PCNX1: variants seen among roughly 807,000 people sequenced by gnomAD.
PCNX1 encodes the protein pecanex-like protein 1.
PCNX1 carries 78 observed loss-of-function variants against 242.2 expected under a neutral mutation model. That is an observed-to-expected ratio of 0.32 (90% CI 0.27 to 0.39). The LOEUF (loss-of-function observed/expected upper bound fraction) is 0.39, where lower values mean the gene tolerates loss of function less well. PCNX1 is among the 10% of genes least tolerant of loss of function. PCNX1 has a pLI of 1.00. For missense variants in PCNX1, 2,581 were observed against 2,856.5 expected (o/e 0.90, Z 2.20); for synonymous variants, 1,024 against 1,032.9 (o/e 0.99, Z 0.17).
chr14:70,995,829 A>G lies in PCNX1; in HGVS notation c.2533A>G (p.Ser845Gly). Residue 845 changes from serine (S) to glycine (G), a missense_variant, in exon 8 of 36, where the codon AGT becomes GGT. Ser to Gly is a moderately conservative substitution (Grantham distance 56). Around this residue, in one of 9 missense-constraint regions of PCNX1, gnomAD observed 1,204 missense variants for 1,216.7 expected, o/e 0.99. Coordinates refer to ENST00000304743, the MANE Select transcript of PCNX1 (RefSeq NM_014982.3). ...PPSQAAVLSASASLLVRNGSV... is the reference protein window; with the variant it reads ...PPSQAAVLSAGASLLVRNGSV... Reference sequence around the variant, plus strand: ...TTCCCAGGCTGCAGTGCTCAGTGCTAGTGCCTCCTTGCTGGTGAGAAATGG... The same window carrying G: ...TTCCCAGGCTGCAGTGCTCAGTGCTGGTGCCTCCTTGCTGGTGAGAAATGG... 3 of 1,613,868 alleles carry G rather than the reference A, an allele frequency of 1.9e-6. No homozygotes were observed. The highest frequency in any genetic ancestry group is 2.5e-6 in the Non-Finnish European group (3 of 1,179,788).
At chr14:71,040,347 T>A (rs923923069) in intron 19 of PCNX1, among the ~76,000 whole-genome samples, 1 of 152,232 alleles carries the variant, frequency 6.6e-6, no homozygotes, top group African/African-American at 2.4e-5. Flanking sequence ...TTTATTGCTA[T>A]GTAGATAACT....
intron 2 of PCNX1, among the ~76,000 whole-genome samples, chr14:70,948,883 GTA>G (rs979248396): frequency 2.7e-5 from 4 of 146,472 alleles, no homozygotes; most frequent in Admixed American, 2.7e-4. Flanking sequence ...ATAGATATGT[GTA>G]TATATACACA....
chr14:70,913,474 A>G (rs1395849803), intron 1 of PCNX1, among the ~76,000 whole-genome samples: 5 of 152,232 alleles, frequency 3.3e-5, no homozygotes, highest in Non-Finnish European at 2.9e-5. Context: ...TTGTGCATAC[A>G]GCTGTGTGGT....
At chr14:71,000,149 A>T (rs1014230971) in intron 8 of PCNX1, among the ~76,000 whole-genome samples, 8 of 152,160 alleles carry the variant, frequency 5.3e-5, no homozygotes, top group Non-Finnish European at 1.0e-4. Context: ...TAAAATGTTT[A>T]TTTTTATCAA....
chr14:71,026,054 A>T (rs902639094), intron 13 of PCNX1, 63 bp from the exon 14 acceptor site: 2 of 1,027,872 alleles, frequency 1.9e-6, no homozygotes, highest in East Asian at 5.1e-5. Flanking sequence ...CATCAGTGAT[A>T]CCAGTAGTTA....
In PCNX1 at chr14:71,009,655, A is replaced by G. The variant is rs2059766750; in HGVS notation, c.2651A>G (p.Tyr884Cys). ...DELGKFSSTL[Y>C]ETGGCDMSLV... Reference sequence around the variant, plus strand: ...CTAGGTAAGTTCTCTTCTACGCTGTATGAGACTGGTGGCTGTGATATGTCA... The same window carrying G: ...CTAGGTAAGTTCTCTTCTACGCTGTGTGAGACTGGTGGCTGTGATATGTCA... Residue 884 changes from tyrosine (Y) to cysteine (C), a missense_variant, in exon 9 of 36, where the codon TAT becomes TGT. Around this residue, in one of 9 missense-constraint regions of PCNX1, gnomAD observed 1,204 missense variants for 1,216.7 expected, o/e 0.99. Coordinates refer to ENST00000304743, the MANE Select transcript of PCNX1 (RefSeq NM_014982.3). The G allele has an allele frequency of 1.2e-6, 2 of 1,601,970 alleles. No individual in the cohort carries two copies. The highest frequency in any genetic ancestry group is 2.2e-5 in the East Asian group (1 of 44,758).
At chr14:71,057,118 C>T (rs2061203755) in intron 25 of PCNX1, among the ~76,000 whole-genome samples, 1 of 152,136 alleles carries the variant, frequency 6.6e-6, no homozygotes, top group Admixed American at 6.6e-5. Flanking sequence ...ATTTTATCTA[C>T]TTCCTTTACT....
chr14:70,976,379 T>C (rs918115026), intron 5 of PCNX1, among the ~76,000 whole-genome samples: 1 of 150,168 alleles, frequency 6.7e-6, no homozygotes, highest in African/African-American at 2.4e-5. Context: ...TTTCTTTTTT[T>C]TTTTTTTTTT....
intron 26 of PCNX1, among the ~76,000 whole-genome samples, chr14:71,073,315 C>A (rs111613106): frequency 1.1e-4 from 16 of 152,108 alleles, no homozygotes; most frequent in Non-Finnish European, 2.2e-4. Context: ...ACAAAAAAAG[C>A]GTAGTGTGCT....
At chr14:71,004,711 A>G (rs1013578696) in intron 8 of PCNX1, among the ~76,000 whole-genome samples, 1 of 152,072 alleles carries the variant, frequency 6.6e-6, no homozygotes, top group Non-Finnish European at 1.5e-5. Context: ...GTCACCACTT[A>G]TGATTATAAG....
intron 11 of PCNX1, 96 bp downstream of exon 11, chr14:71,013,298 G>T (rs2140590018): frequency 1.1e-6 from 1 of 944,946 alleles, no homozygotes. Flanking sequence ...TGGTTATCAT[G>T]TTGGGAAATG....
At chr14:71,018,900 C>T in intron 11 of PCNX1, 109 bp from the exon 12 acceptor site, 1 of 884,902 alleles carries the variant, frequency 1.1e-6, no homozygotes, top group Non-Finnish European at 1.7e-6. Flanking sequence ...ACCAAAAAGA[C>T]ATCTTGGCAT....
At chr14:70,984,085 T>C (rs1254138473) in intron 6 of PCNX1, among the ~76,000 whole-genome samples, 4 of 151,438 alleles carry the variant, frequency 2.6e-5, no homozygotes, top group African/African-American at 7.2e-5. Flanking sequence ...GAGATATATA[T>C]ATACTTGTTT....
chr14:70,942,961 A>C (rs889173321), intron 1 of PCNX1: 3 of 152,462 alleles, frequency 2.0e-5, no homozygotes, highest in African/African-American at 7.2e-5. Flanking sequence ...TGGTTTTATA[A>C]GGGGCTTCCC....
intron 24 of PCNX1, 49 bp from the exon 25 acceptor site, chr14:71,055,455 A>G (rs770199622): frequency 1.8e-6 from 2 of 1,094,744 alleles, no homozygotes; most frequent in African/African-American, 3.1e-5. Context: ...AAATTGTTAA[A>G]TATTTTTTAA....
At chr14:71,018,834 G>A (rs2060023319) in intron 11 of PCNX1, among the ~76,000 whole-genome samples, 175 bp from the exon 12 acceptor site, 2 of 152,096 alleles carry the variant, frequency 1.3e-5, no homozygotes, top group South Asian at 2.1e-4. Context: ...TTCATGTTAT[G>A]TCCACATGAA....
chr14:70,997,999 T>A (rs2059400356), intron 8 of PCNX1, among the ~76,000 whole-genome samples: 1 of 152,246 alleles, frequency 6.6e-6, no homozygotes, highest in African/African-American at 2.4e-5. Flanking sequence ...CTATTAAAAA[T>A]TTTTAACCAG....
intron 8 of PCNX1, among the ~76,000 whole-genome samples, chr14:70,999,986 A>T (rs973287531): frequency 1.3e-5 from 2 of 152,164 alleles, no homozygotes; most frequent in African/African-American, 4.8e-5. Context: ...GTTATGGTAG[A>T]TTATTTTCAT....
intron 1 of PCNX1, among the ~76,000 whole-genome samples, chr14:70,936,145 T>C (rs963216446): frequency 2.0e-5 from 3 of 152,210 alleles, no homozygotes; most frequent in African/African-American, 7.2e-5. Flanking sequence ...TTATTTTTTA[T>C]TATACTTTAA....
Sources: gnomAD v4.1 joint callset for allele counts (sites outside exome capture counted in the v4.1 genomes callset) on GRCh38, gnomAD v4.1.1 for gene constraint, gnomAD v4.1.1 regional missense constraint, MANE v1.5 for transcripts, NCBI Gene and HGNC (gene_info 2026-07-23, HGNC 2026-07-21) for gene names.